Variants in TMEM242 observed in about 807,000 individuals in gnomAD.
TMEM242 encodes transmembrane protein 242, also known as UPF0463 transmembrane protein C6orf35.
A neutral mutation model predicts 18.2 loss-of-function variants in TMEM242; 10 were observed. That is an observed-to-expected ratio of 0.55 (90% CI 0.34 to 0.93). TMEM242 has a LOEUF of 0.93. TMEM242 is among the 40% of genes least tolerant of loss of function. The probability of loss-of-function intolerance (pLI) is 0.02; values close to 1 mark genes in which losing one functional copy is unlikely to be tolerated. For missense variants in TMEM242, 186 were observed against 175.5 expected (o/e 1.06, Z -0.34); for synonymous variants, 57 against 69.9 (o/e 0.81, Z 0.92).
intron 3 of TMEM242, chr6:157,298,997 ATATC>A (rs1554247329): frequency 4.2e-6 from 1 of 238,190 alleles, no homozygotes; most frequent in African/African-American, 2.3e-5. Context: ...ATATAACCCT[ATATC>A]TATGATCTCT....
At chr6:157,297,330 T>G (rs1777764145) in intron 3 of TMEM242, among the ~76,000 whole-genome samples, 1 of 152,194 alleles carries the variant, frequency 6.6e-6, no homozygotes, top group Non-Finnish European at 1.5e-5. Flanking sequence ...GGAAAAACAC[T>G]TGAAAACATT....
At position 157,292,903 on chromosome 6, in the gene TMEM242, AT is replaced by A; in HGVS notation, c.423del (p.Lys141AsnfsTer41). On this transcript the variant is annotated frameshift_variant, in exon 4 of 4. Transcript: ENST00000400788. LOFTEE classifies it high-confidence loss of function. Reference protein sequence around the residue: ...AVEWEETLKSK With the variant: ...AVEWEETLKSX ...TTTGAAATTCATCCATGCTCATCTC[AT>A]TTGGATTTCAATGTTTCCTCCCACT... The A allele has an allele frequency of 6.2e-7, 1 of 1,611,018 alleles. No homozygotes were observed. The highest frequency in any genetic ancestry group is 8.5e-7 in the Non-Finnish European group (1 of 1,177,332).
At chr6:157,301,033 G>A (rs150139860) in intron 3 of TMEM242, among the ~76,000 whole-genome samples, 1 of 152,202 alleles carries the variant, frequency 6.6e-6, no homozygotes, top group Non-Finnish European at 1.5e-5. Flanking sequence ...CAGTTTCTGA[G>A]GAGGTGTCAA....
intron 3 of TMEM242, among the ~76,000 whole-genome samples, chr6:157,310,982 GTATGCGCTAACCTAGCCTCC>G (rs2128414852): frequency 6.7e-4 from 1 of 1,502 alleles, no homozygotes; most frequent in Non-Finnish European, 1.4e-3. Context: ...TAGTGTCCCA[GTATGCGCTAACCTAGCCTCC>G]CCAGTGTGCA....
intron 3 of TMEM242, among the ~76,000 whole-genome samples, chr6:157,311,013 G>C (rs79418488): frequency 0.55 from 1,933 of 3,540 alleles, 405 homozygotes; most frequent in South Asian, 0.58. Context: ...CCAGTGTGCA[G>C]TCACCTAGCC....
rs587685742 is a variant in TMEM242, at chr6:157,323,490, C to T, written c.10G>A (p.Ala4Thr). MET[A>T]GAATGQPASG... Reference sequence around the variant, plus strand: ...GCCGGCTGCCCAGTTGCAGCGCCCGCTGTCTCCATGTTTAGGTCGCCTCTA... The same window carrying T: ...GCCGGCTGCCCAGTTGCAGCGCCCGTTGTCTCCATGTTTAGGTCGCCTCTA... The change falls in exon 1 of 4, where the codon GCG (alanine) becomes ACG (threonine). Residue 4 changes from alanine (A) to threonine (T), a missense_variant. Coordinates refer to ENST00000400788, the MANE Select transcript of TMEM242 (RefSeq NM_018452.6). The T allele has an allele frequency of 3.8e-4, 619 of 1,613,894 alleles. 5 individuals are homozygous for T. The South Asian group carries it at 6.3e-3, about 16-fold the overall frequency.
At chr6:157,296,736 G>A (rs782706559) in intron 3 of TMEM242, among the ~76,000 whole-genome samples, 9 of 152,058 alleles carry the variant, frequency 5.9e-5, no homozygotes, top group East Asian at 1.9e-4. Flanking sequence ...CCCCAGTGCC[G>A]TGGGCCCACC....
At chr6:157,310,569 C>T (rs62424351) in intron 3 of TMEM242, among the ~76,000 whole-genome samples, 254 of 2,090 alleles carry the variant, frequency 0.12, no homozygotes, top group Middle Eastern at 0.5. Flanking sequence ...CATCATAGTG[C>T]CCCAGTGTGC....
intron 3 of TMEM242, among the ~76,000 whole-genome samples, chr6:157,310,391 T>A (rs1583562066): frequency 7.4e-6 from 1 of 135,034 alleles, no homozygotes; most frequent in African/African-American, 2.9e-5. Context: ...CCTGGCCTCA[T>A]CATAGTGTCC....
At chr6:157,310,425 T>A (rs1583562172) in intron 3 of TMEM242, among the ~76,000 whole-genome samples, 1 of 149,052 alleles carries the variant, frequency 6.7e-6, no homozygotes, top group Non-Finnish European at 1.5e-5. Context: ...CCTGGCCTCA[T>A]CATAGTGTCC....
intron 3 of TMEM242, among the ~76,000 whole-genome samples, chr6:157,313,588 C>T (rs921972007): frequency 0.011 from 1,710 of 151,690 alleles, no homozygotes; most frequent in Non-Finnish European, 0.016. Context: ...TCCCAGTGTG[C>T]GCTCACCTAA....
intron 3 of TMEM242, among the ~76,000 whole-genome samples, chr6:157,308,252 G>A (rs1035436242): frequency 2.6e-5 from 4 of 152,160 alleles, no homozygotes; most frequent in African/African-American, 7.2e-5. Flanking sequence ...AGGAATAAAC[G>A]TACTGATAAG....
intron 3 of TMEM242, among the ~76,000 whole-genome samples, chr6:157,293,587 T>C (rs181995762): frequency 8.9e-4 from 136 of 152,114 alleles, no homozygotes; most frequent in Middle Eastern, 3.4e-3. Context: ...AGAAGAAACT[T>C]AGGAGTTTCG....
At chr6:157,310,431 T>C (rs1554248279) in intron 3 of TMEM242, among the ~76,000 whole-genome samples, 1 of 74,900 alleles carries the variant, frequency 1.3e-5, no homozygotes, top group East Asian at 4.1e-4. Context: ...CTCATCATAG[T>C]GTCCCAGTGT....
intron 3 of TMEM242, among the ~76,000 whole-genome samples, chr6:157,300,709 G>C (rs1316900768): frequency 6.6e-6 from 1 of 152,182 alleles, no homozygotes; most frequent in East Asian, 1.9e-4. Context: ...GCTTGAGCAG[G>C]GTAGGGGCCC....
chr6:157,313,307 T>C (rs797036856), intron 3 of TMEM242, among the ~76,000 whole-genome samples: 751 of 44,728 alleles, frequency 0.017, no homozygotes, highest in Non-Finnish European at 0.024. Flanking sequence ...CATCATAGTG[T>C]CCCAGTGTGC....
chr6:157,294,753 G>GTAT (rs1777730265), intron 3 of TMEM242, among the ~76,000 whole-genome samples: 1 of 152,194 alleles, frequency 6.6e-6, no homozygotes, highest in Non-Finnish European at 1.5e-5. Context: ...CTTGTTTCCA[G>GTAT]ATTTAGGGGT....
chr6:157,289,697 C>G lies in TMEM242; in HGVS notation c.*3204G>C, dbSNP rs587739795. The G allele has an allele frequency of 2.0e-5, 3 of 151,908 alleles. No homozygotes were observed. The highest frequency in any genetic ancestry group is 2.1e-4 in the South Asian group (1 of 4,794). The allele number at this position is 151,908 out of a possible 1,614,324, so 9.4% of individuals were successfully genotyped here. A position where few individuals can be genotyped will look rare whatever the true frequency, so the allele number is the denominator to read the frequency against. ...TATCCCCATGGGCTCCCCGTCCCCC[C>G]ACCCCCACCTTAATTTCTTCTATTT... On this transcript the variant is annotated 3_prime_UTR_variant, in exon 4 of 4. Coordinates refer to ENST00000400788, the MANE Select transcript of TMEM242 (RefSeq NM_018452.6).
intron 3 of TMEM242, among the ~76,000 whole-genome samples, chr6:157,307,844 A>C (rs989890175): frequency 1.3e-4 from 20 of 152,180 alleles, no homozygotes; most frequent in African/African-American, 4.6e-4. Context: ...GAGCACTATG[A>C]AGAAGTGGAA....
Sources: gnomAD v4.1 joint callset for allele counts (sites outside exome capture counted in the v4.1 genomes callset) on GRCh38, gnomAD v4.1.1 for gene constraint, MANE v1.5 for transcripts, NCBI Gene and HGNC (gene_info 2026-07-23, HGNC 2026-07-21) for gene names.